FGGY: variants seen among roughly 807,000 people sequenced by gnomAD.
FGGY encodes FGGY carbohydrate kinase domain-containing protein.
A neutral mutation model predicts 71.3 loss-of-function variants in FGGY; 72 were observed. The ratio of observed to expected loss-of-function variants is 1.01; its 90% CI spans 0.84 to 1.23. FGGY has a LOEUF of 1.23. Among genes scored for constraint, FGGY ranks in the 50% most tolerant of loss-of-function variants. The pLI is 0.00. For missense variants in FGGY, 668 were observed against 682.3 expected (o/e 0.98, Z 0.23); for synonymous variants, 251 against 250.3 (o/e 1.00, Z -0.02).
chr1:59,757,504 A>G (rs1182895722), intron 14 of FGGY, among the ~76,000 whole-genome samples: 1 of 152,196 alleles, frequency 6.6e-6, no homozygotes, highest in Non-Finnish European at 1.5e-5. Flanking sequence ...ACAGGTGCGA[A>G]GTGAGTTCCA....
chr1:59,656,926 G>C (rs2097223312), intron 11 of FGGY, among the ~76,000 whole-genome samples: 1 of 152,046 alleles, frequency 6.6e-6, no homozygotes, highest in African/African-American at 2.4e-5. Context: ...CAGTTTCTGG[G>C]GAAAAAAATT....
At chr1:59,595,761 C>G (rs1400533067) in intron 8 of FGGY, among the ~76,000 whole-genome samples, 1 of 152,094 alleles carries the variant, frequency 6.6e-6, no homozygotes, top group African/African-American at 2.4e-5. Context: ...ACTGACTGTA[C>G]CCTATATCAT....
intron 14 of FGGY, among the ~76,000 whole-genome samples, chr1:59,730,504 C>G (rs2098012777): frequency 6.6e-6 from 1 of 152,044 alleles, no homozygotes; most frequent in Non-Finnish European, 1.5e-5. Flanking sequence ...GCACCTGACT[C>G]AAAGTAAGCG....
intron 10 of FGGY, among the ~76,000 whole-genome samples, chr1:59,633,820 A>G (rs189081992): frequency 1.5e-4 from 23 of 152,302 alleles, no homozygotes; most frequent in Admixed American, 1.4e-3. Flanking sequence ...AGAGGTTAGG[A>G]TCATCCAAGA....
chr1:59,465,113 A>G (rs1373726875), intron 6 of FGGY, among the ~76,000 whole-genome samples: 1 of 152,240 alleles, frequency 6.6e-6, no homozygotes, highest in African/African-American at 2.4e-5. Context: ...GAAATCCTCA[A>G]TAACGTACTG....
intron 5 of FGGY, among the ~76,000 whole-genome samples, chr1:59,451,982 C>G (rs2072841833): frequency 6.6e-6 from 1 of 151,958 alleles, no homozygotes; most frequent in South Asian, 2.1e-4. Context: ...CTTAATGAGA[C>G]TTTTAATCTG....
chr1:59,699,856 G>A (rs980243360), intron 14 of FGGY, among the ~76,000 whole-genome samples: 2 of 152,166 alleles, frequency 1.3e-5, no homozygotes, highest in Admixed American at 1.3e-4. Flanking sequence ...TGTTCTGTGC[G>A]AATGTCTCGC....
chr1:59,455,211 TTAAGA>T (rs2091566086), intron 5 of FGGY, among the ~76,000 whole-genome samples: 1 of 152,074 alleles, frequency 6.6e-6, no homozygotes, highest in Admixed American at 6.5e-5. Context: ...CTGTGGTAAA[TTAAGA>T]TAAAGGTATG....
intron 14 of FGGY, chr1:59,698,931 C>T (rs2097687386): frequency 2.0e-6 from 2 of 985,340 alleles, no homozygotes; most frequent in Non-Finnish European, 2.4e-6. Flanking sequence ...TCCTAGCAGC[C>T]AGGTATTATT....
chr1:59,526,731 G>T (rs902248020), intron 7 of FGGY, among the ~76,000 whole-genome samples: 1 of 152,154 alleles, frequency 6.6e-6, no homozygotes, highest in African/African-American at 2.4e-5. Context: ...TGGCCACCTC[G>T]CCATTCAAAT....
intron 14 of FGGY, among the ~76,000 whole-genome samples, chr1:59,720,468 G>A (rs535241600): frequency 6.9e-4 from 105 of 152,204 alleles, no homozygotes; most frequent in African/African-American, 2.0e-3. Context: ...AATGAAGAGA[G>A]GAAAATCCAC....
intron 8 of FGGY, among the ~76,000 whole-genome samples, chr1:59,597,623 C>T (rs560556380): frequency 3.9e-5 from 6 of 152,288 alleles, no homozygotes; most frequent in East Asian, 3.9e-4. Context: ...TGAATGTACC[C>T]GGCACTGTAC....
At chr1:59,547,445 A>G (rs2095543679) in intron 7 of FGGY, among the ~76,000 whole-genome samples, 1 of 152,212 alleles carries the variant, frequency 6.6e-6, no homozygotes, top group South Asian at 2.1e-4. Context: ...GAGATAATGT[A>G]GGATAAGGTA....
chr1:59,739,197 A>G lies in FGGY; in HGVS notation c.1513-18734A>G, dbSNP rs115654308. On this transcript the variant is annotated intron_variant, in intron 14 of 15. Coordinates refer to ENST00000303721, the MANE Select transcript of FGGY (RefSeq NM_018291.5). ...TGTGAATATTTGCTTTTCAGTATGC[A>G]TGAGTTTATATATTGGGGGTAGAAA... Among the ~76,000 whole-genome samples, 832 of 152,350 alleles carry G rather than the reference A, an allele frequency of 5.5e-3. 3 individuals carry two copies. The highest frequency in any genetic ancestry group is 0.01 in the Admixed American group (156 of 15,306).
At chr1:59,514,825 T>C (rs2094602872) in intron 7 of FGGY, among the ~76,000 whole-genome samples, 1 of 152,210 alleles carries the variant, frequency 6.6e-6, no homozygotes. Context: ...CATGTGGAAC[T>C]GTAAGTCAAA....
At chr1:59,448,989 CAG>C (rs879677965) in intron 5 of FGGY, among the ~76,000 whole-genome samples, 6 of 152,198 alleles carry the variant, frequency 3.9e-5, no homozygotes, top group South Asian at 4.2e-4. Flanking sequence ...ACCTATAAAA[CAG>C]GGGCAGCTTT....
At chr1:59,738,724 A>G (rs1406663356) in intron 14 of FGGY, among the ~76,000 whole-genome samples, 1 of 152,248 alleles carries the variant, frequency 6.6e-6, no homozygotes, top group East Asian at 1.9e-4. Flanking sequence ...TTTGCTGGGC[A>G]CTCACATCTG....
chr1:59,534,127 A>C (rs1186285683), intron 7 of FGGY, among the ~76,000 whole-genome samples: 1 of 152,236 alleles, frequency 6.6e-6, no homozygotes, highest in African/African-American at 2.4e-5. Flanking sequence ...AATACAGAGA[A>C]GTGCTTAAAG....
chr1:59,625,847 G>A, intron 9 of FGGY, 141 bp from the exon 10 acceptor site: 1 of 531,826 alleles, frequency 1.9e-6, no homozygotes, highest in Non-Finnish European at 3.1e-6. Context: ...AGGCACTCTT[G>A]CTACATTGGC....
Sources: allele counts gnomAD v4.1 joint callset (sites outside exome capture counted in the v4.1 genomes callset), GRCh38; gene constraint gnomAD v4.1.1; transcripts MANE v1.5; gene names NCBI Gene and HGNC (gene_info 2026-07-23, HGNC 2026-07-21).